Variants in MECOM observed in about 807,000 individuals in gnomAD.
The protein encoded by MECOM is histone-lysine N-methyltransferase MECOM.
MECOM carries 13 observed loss-of-function variants against 116.3 expected under a neutral mutation model. That is an observed-to-expected ratio of 0.11 (90% CI 0.07 to 0.18). The LOEUF (loss-of-function observed/expected upper bound fraction) is 0.18. MECOM is among the 10% of genes least tolerant of loss of function. The probability of loss-of-function intolerance (pLI) is 1.00; values close to 1 mark genes in which losing one functional copy is unlikely to be tolerated. For synonymous variants in MECOM, 528 were observed against 535.2 expected, an observed-to-expected ratio of 0.99 and a Z score of 0.19; for missense variants, 1,299 against 1,509.0, an observed-to-expected ratio of 0.86 and a Z score of 2.31.
chr3:169,184,552 C>T (rs1746459057), intron 2 of MECOM, among the ~76,000 whole-genome samples: 1 of 152,066 alleles, frequency 6.6e-6, no homozygotes, highest in Admixed American at 6.6e-5. Context: ...TAAGCAAACC[C>T]AGAAATATTG....
chr3:169,486,040 TG>T (rs1350213086), intron 1 of MECOM, among the ~76,000 whole-genome samples: 3 of 137,620 alleles, frequency 2.2e-5, no homozygotes, highest in African/African-American at 8.2e-5. Flanking sequence ...TATATATATA[TG>T]TATATATATA....
intron 2 of MECOM, among the ~76,000 whole-genome samples, chr3:169,298,942 G>C (rs945535969): frequency 1.3e-5 from 2 of 152,116 alleles, no homozygotes; most frequent in African/African-American, 4.8e-5. Flanking sequence ...AACTATAATA[G>C]GGGAAACTTA....
rs556064896 is a variant in MECOM at position 169,381,595 on chromosome 3, C to G, written c.38-71G>C. The G allele has an allele frequency of 9.5e-6, 11 of 1,154,444 alleles. No individual in the cohort carries two copies. The East Asian group carries it at 2.8e-4, about 30-fold the overall frequency. 71.5% of individuals were successfully genotyped at this position (1,154,444 alleles called of 1,614,324 possible). On this transcript the variant is annotated intron_variant, in intron 1 of 16. Coordinates refer to ENST00000651503, the MANE Select transcript of MECOM (RefSeq NM_004991.4). ...GACAAAATTCCACAGGGGTAGCCAC[C>G]TTATTATGTTGTTCTTTGAAGGATA...
chr3:169,467,142 T>C (rs1007197382), intron 1 of MECOM: 3 of 152,190 alleles, frequency 2.0e-5, no homozygotes, highest in Non-Finnish European at 4.4e-5. Context: ...TTCTTGTTTG[T>C]TTTTTAACAG....
intron 2 of MECOM, among the ~76,000 whole-genome samples, chr3:169,342,987 A>G (rs189936468): frequency 6.6e-6 from 1 of 152,238 alleles, no homozygotes; most frequent in East Asian, 1.9e-4. Context: ...TTGTGTCCTA[A>G]AGAAGAGGTT....
intron 1 of MECOM, among the ~76,000 whole-genome samples, chr3:169,530,962 T>C (rs570000829): frequency 6.6e-6 from 1 of 152,132 alleles, no homozygotes; most frequent in East Asian, 1.9e-4. Context: ...AGATGTAGAA[T>C]TTCGCCATGA....
intron 1 of MECOM, among the ~76,000 whole-genome samples, chr3:169,644,555 C>A (rs1327086637): frequency 6.6e-6 from 1 of 152,156 alleles, no homozygotes; most frequent in Non-Finnish European, 1.5e-5. Flanking sequence ...CCACACCCGG[C>A]CCCTACCATT....
At chr3:169,565,922 A>G (rs1284899262) in intron 1 of MECOM, 2 of 445,044 alleles carry the variant, frequency 4.5e-6, no homozygotes, top group East Asian at 7.4e-5. Flanking sequence ...TTAAAGAACT[A>G]TGTGAGACTG....
At chr3:169,234,488 A>G (rs1753787155) in intron 2 of MECOM, among the ~76,000 whole-genome samples, 1 of 152,104 alleles carries the variant, frequency 6.6e-6, no homozygotes. Context: ...AAAGGGAAAT[A>G]AAAGAAAAAA....
chr3:169,387,316 A>C (rs1285480514), intron 1 of MECOM, among the ~76,000 whole-genome samples: 1 of 152,256 alleles, frequency 6.6e-6, no homozygotes, highest in Non-Finnish European at 1.5e-5. Context: ...CTAGAAAAAA[A>C]TGCCATTTCA....
intron 1 of MECOM, among the ~76,000 whole-genome samples, chr3:169,604,919 A>C (rs1277863200): frequency 1.3e-5 from 2 of 152,222 alleles, no homozygotes; most frequent in Non-Finnish European, 2.9e-5. Flanking sequence ...ACATGTCTTC[A>C]TACCCATCGC....
At chr3:169,368,067 T>G (rs1290227923) in intron 2 of MECOM, among the ~76,000 whole-genome samples, 1 of 152,090 alleles carries the variant, frequency 6.6e-6, no homozygotes, top group East Asian at 1.9e-4. Context: ...ACGTAGTTTT[T>G]GGTGTCTATT....
At chr3:169,620,473 G>A (rs1368991893) in intron 1 of MECOM, among the ~76,000 whole-genome samples, 1 of 152,176 alleles carries the variant, frequency 6.6e-6, no homozygotes, top group Non-Finnish European at 1.5e-5. Context: ...ATCTAATTAT[G>A]ATGTCTGCTT....
intron 2 of MECOM, among the ~76,000 whole-genome samples, chr3:169,258,527 G>A (rs1577492477): frequency 6.6e-6 from 1 of 152,304 alleles, no homozygotes; most frequent in African/African-American, 2.4e-5. Context: ...AAACTGTGGA[G>A]TAACCACTCC....
At chr3:169,125,573 C>T (rs1214308916) in intron 5 of MECOM, among the ~76,000 whole-genome samples, 4 of 152,090 alleles carry the variant, frequency 2.6e-5, no homozygotes, top group African/African-American at 4.8e-5. Flanking sequence ...TGTTTCTAAT[C>T]GGGCAGAAAC....
intron 2 of MECOM, among the ~76,000 whole-genome samples, chr3:169,168,598 C>T (rs947867475): frequency 2.4e-4 from 36 of 151,948 alleles, no homozygotes; most frequent in African/African-American, 8.7e-4. Context: ...TTCTATATGA[C>T]TCTACATGTA....
At chr3:169,396,059 A>T (rs1019266503) in intron 1 of MECOM, among the ~76,000 whole-genome samples, 1 of 152,238 alleles carries the variant, frequency 6.6e-6, no homozygotes, top group Non-Finnish European at 1.5e-5. Flanking sequence ...GCTTATTTTA[A>T]AAAGTACTAA....
chr3:169,295,271 A>G (rs1715380165), intron 2 of MECOM, among the ~76,000 whole-genome samples: 1 of 152,108 alleles, frequency 6.6e-6, no homozygotes, highest in Admixed American at 6.6e-5. Flanking sequence ...CTTTTATTTA[A>G]AAGGGTTAAA....
intron 1 of MECOM, among the ~76,000 whole-genome samples, chr3:169,549,420 C>T (rs1462467576): frequency 6.6e-6 from 1 of 150,750 alleles, no homozygotes; most frequent in Admixed American, 6.6e-5. Context: ...AAAAAAAAAG[C>T]TTTCTGGACT....
Sources: allele counts gnomAD v4.1 joint callset (sites outside exome capture counted in the v4.1 genomes callset), GRCh38; gene constraint gnomAD v4.1.1; transcripts MANE v1.5; gene names NCBI Gene and HGNC (gene_info 2026-07-23, HGNC 2026-07-21).